The following BRD10 variants were observed in gnomAD, a reference collection of about 807,000 sequenced individuals.
BRD10 encodes the protein uncharacterized bromodomain-containing protein 10.
chr9:5,910,196 A>G, the BRD10 span: 2 of 152,224 alleles, frequency 1.3e-5, no homozygotes, highest in African/African-American at 4.8e-5. Flanking sequence ...CTTTCTCACT[A>G]TATGATTCAT....
chr9:5,958,042 A>C, the BRD10 span, among the ~76,000 whole-genome samples: 1 of 152,186 alleles, frequency 6.6e-6, no homozygotes, highest in Non-Finnish European at 1.5e-5. Context: ...AGTCAAATTA[A>C]AACATACACA....
the BRD10 span, chr9:5,899,121 G>A: frequency 3.9e-5 from 6 of 152,260 alleles, no homozygotes; most frequent in African/African-American, 7.2e-5. Flanking sequence ...CATAGATCTC[G>A]CTGTCTCTCT....
chr9:6,002,384 C>T, the BRD10 span, among the ~76,000 whole-genome samples: 1 of 151,888 alleles, frequency 6.6e-6, no homozygotes, highest in East Asian at 1.9e-4. Flanking sequence ...AGGTTCTGAA[C>T]ATGAGGCAAA....
At chr9:6,002,613 AT>A in the BRD10 span, among the ~76,000 whole-genome samples, 2 of 151,602 alleles carry the variant, frequency 1.3e-5, no homozygotes, top group Non-Finnish European at 2.9e-5. Context: ...ATAAAAATTC[AT>A]TTTTAATTTG....
At chr9:5,992,791 T>C in the BRD10 span, among the ~76,000 whole-genome samples, 8 of 152,222 alleles carry the variant, frequency 5.3e-5, no homozygotes, top group African/African-American at 1.7e-4. Context: ...ATTCAGAGGC[T>C]TGATTCTGTT....
At chr9:5,990,971 T>C in the BRD10 span, among the ~76,000 whole-genome samples, 1 of 152,232 alleles carries the variant, frequency 6.6e-6, no homozygotes, top group Non-Finnish European at 1.5e-5. Flanking sequence ...ATAAATGTTT[T>C]TCAATATGAG....
At chr9:5,936,854 A>T in the BRD10 span, among the ~76,000 whole-genome samples, 1 of 152,234 alleles carries the variant, frequency 6.6e-6, no homozygotes, top group Non-Finnish European at 1.5e-5. Context: ...TAAACAGAAG[A>T]CAATACAAAT....
the BRD10 span, among the ~76,000 whole-genome samples, chr9:5,879,314 T>G: frequency 6.6e-6 from 1 of 151,360 alleles, no homozygotes; most frequent in Non-Finnish European, 1.5e-5. Flanking sequence ...AATAAAAAAA[T>G]TATCCGGGTG....
At chr9:5,979,664 T>A in the BRD10 span, among the ~76,000 whole-genome samples, 1 of 152,164 alleles carries the variant, frequency 6.6e-6, no homozygotes, top group Non-Finnish European at 1.5e-5. Context: ...TCCAGATTAA[T>A]AGAAATTTAC....
At chr9:5,984,736 T>C in the BRD10 span, among the ~76,000 whole-genome samples, 1 of 152,018 alleles carries the variant, frequency 6.6e-6, no homozygotes, top group African/African-American at 2.4e-5. Context: ...TACAATTGTA[T>C]AAAAACCATG....
the BRD10 span, chr9:5,919,661 A>C: frequency 3.1e-5 from 49 of 1,567,330 alleles, no homozygotes; most frequent in Non-Finnish European, 3.7e-5. Flanking sequence ...CATTATTTAA[A>C]AACTGGCTCT....
At chr9:5,947,546 TACATA>T in the BRD10 span, among the ~76,000 whole-genome samples, 1 of 152,094 alleles carries the variant, frequency 6.6e-6, no homozygotes, top group African/African-American at 2.4e-5. Flanking sequence ...CGTTAATAGC[TACATA>T]ACAATTTATA....
the BRD10 span, among the ~76,000 whole-genome samples, chr9:5,912,470 G>A: frequency 5.6e-4 from 85 of 152,072 alleles, no homozygotes; most frequent in Non-Finnish European, 1.1e-3. Flanking sequence ...GTTGGGGAAC[G>A]GGCCTTGAAG....
At chr9:5,978,318 G>T in the BRD10 span, among the ~76,000 whole-genome samples, 1 of 147,656 alleles carries the variant, frequency 6.8e-6, no homozygotes, top group African/African-American at 2.5e-5. Flanking sequence ...AACTTTTATT[G>T]AATGCTTACC....
the BRD10 span, among the ~76,000 whole-genome samples, chr9:5,882,637 G>A: frequency 6.6e-6 from 1 of 152,136 alleles, no homozygotes; most frequent in Non-Finnish European, 1.5e-5. Context: ...GATCTTTGTA[G>A]CCCAAAATAA....
At chr9:5,946,490 C>G in the BRD10 span, among the ~76,000 whole-genome samples, 1 of 152,032 alleles carries the variant, frequency 6.6e-6, no homozygotes, top group Admixed American at 6.6e-5. Context: ...AGAGCGTCTT[C>G]AACTTCTATT....
chr9:5,921,219 T>G, the BRD10 span: 1 of 1,613,958 alleles, frequency 6.2e-7, no homozygotes, highest in Non-Finnish European at 8.5e-7. Context: ...ATTGATGGTA[T>G]AGCTGGCACA....
the BRD10 span, among the ~76,000 whole-genome samples, chr9:5,972,174 T>C: frequency 1.3e-5 from 2 of 151,814 alleles, no homozygotes; most frequent in African/African-American, 2.4e-5. Flanking sequence ...AGATAAAACA[T>C]AAAAGGAATT....
At chr9:5,891,078 T>C in the BRD10 span, 1 of 152,154 alleles carries the variant, frequency 6.6e-6, no homozygotes, top group African/African-American at 2.4e-5. Flanking sequence ...CGTTTGTCAG[T>C]CTCCAACCTC....
Sources: gnomAD v4.1 joint callset for allele counts (sites outside exome capture counted in the v4.1 genomes callset) on GRCh38, gnomAD v4.1.1 for gene constraint, MANE v1.5 for transcripts, NCBI Gene and HGNC (gene_info 2026-07-23, HGNC 2026-07-21) for gene names.